Variants in ZNF619 observed in about 807,000 individuals in gnomAD.
The protein encoded by ZNF619 is zinc finger protein 619.
ZNF619 carries 9 observed loss-of-function variants against 14.2 expected under a neutral mutation model. The observed-to-expected ratio is 0.64, with a 90% CI of 0.38 to 1.11. The LOEUF is 1.11. Among genes scored for constraint, ZNF619 ranks in the 50% least tolerant of loss-of-function variants. The pLI, the probability that ZNF619 is intolerant of heterozygous loss-of-function variation, is 0.01. For synonymous variants in ZNF619, 246 were observed against 252.8 expected (o/e 0.97, Z 0.26); for missense variants, 659 against 680.1 (o/e 0.97, Z 0.34).
In ZNF619 at chr3:40,489,613, T is replaced by A. The variant is rs1352014194; in HGVS notation, c.*1372T>A. 1 of 151,996 alleles carries A rather than the reference T, an allele frequency of 6.6e-6. No homozygotes were observed. Among genetic ancestry groups the A allele is most frequent in the Non-Finnish European group, 1.5e-5 (1 of 68,020 alleles). The allele number at this position is 151,996 out of a possible 1,614,324, so 9.4% of individuals were successfully genotyped here. On this transcript the variant is annotated 3_prime_UTR_variant, in exon 5 of 5. Coordinates refer to ENST00000432264, the MANE Select transcript of ZNF619 (RefSeq NM_001145093.4). Reference sequence around the variant, plus strand: ...CATATATGTAGGTACAAAAAGTGACTTGGACTTGTACCCTTTAGGGTAGAT... The same window carrying A: ...CATATATGTAGGTACAAAAAGTGACATGGACTTGTACCCTTTAGGGTAGAT...
chr3:40,478,629 A>G (rs766842704), intron 2 of ZNF619, among the ~76,000 whole-genome samples: 1 of 151,842 alleles, frequency 6.6e-6, no homozygotes, highest in African/African-American at 2.4e-5. Flanking sequence ...GAGAGTCTAT[A>G]TCCTTTCTTG....
intron 2 of ZNF619, 41 bp downstream of exon 2, chr3:40,478,044 A>T (rs1209871646): frequency 6.5e-7 from 1 of 1,542,062 alleles, no homozygotes; most frequent in Non-Finnish European, 8.8e-7. Flanking sequence ...CTCAGAACAG[A>T]TATGGAAGGT....
intron 4 of ZNF619, 92 bp from the exon 5 acceptor site, chr3:40,486,714 A>AC: frequency 1.9e-6 from 2 of 1,040,076 alleles, no homozygotes; most frequent in East Asian, 5.0e-5. Context: ...AAAAAAAAAA[A>AC]ATTCATGTGT....
In ZNF619 at chr3:40,487,614, G is replaced by A; in HGVS notation, c.1104G>A (p.Gly368=). Residue 368 remains glycine (G), a synonymous_variant, in exon 5 of 5, where the codon GGG becomes GGA. Transcript: ENST00000432264. Reference sequence around the variant, plus strand: ...TTCAGCATCAGAGAATCCACACTGGGGAGAAACCTTATGAATGTAAAGAGT... The same window carrying A: ...TTCAGCATCAGAGAATCCACACTGGAGAGAAACCTTATGAATGTAAAGAGT... ...VLIQHQRIHT[G]EKPYECKECG... 6.2e-7 allele frequency: 1 copy of A among 1,614,136 alleles called. No individual in the cohort carries two copies. Among genetic ancestry groups the A allele is most frequent in the Non-Finnish European group, 8.5e-7 (1 of 1,180,008 alleles).
intron 4 of ZNF619, among the ~76,000 whole-genome samples, chr3:40,486,475 G>A (rs1049446167): frequency 2.6e-5 from 4 of 152,096 alleles, no homozygotes; most frequent in Non-Finnish European, 1.5e-5. Context: ...GCTGACCTGA[G>A]GCTGACCAGA....
intron 4 of ZNF619, chr3:40,483,549 C>T: frequency 2.4e-6 from 1 of 423,794 alleles, no homozygotes; most frequent in South Asian, 1.7e-5. Context: ...CCTCGGCCTC[C>T]CAAAGTGCTG....
At chr3:40,478,909 G>C (rs1449760256) in intron 2 of ZNF619, among the ~76,000 whole-genome samples, 1 of 152,018 alleles carries the variant, frequency 6.6e-6, no homozygotes, top group Non-Finnish European at 1.5e-5. Flanking sequence ...GTGCTGTGGG[G>C]GTATGCTGTG....
At chr3:40,481,639 C>G (rs968478325) in intron 2 of ZNF619, among the ~76,000 whole-genome samples, 1 of 152,110 alleles carries the variant, frequency 6.6e-6, no homozygotes, top group Non-Finnish European at 1.5e-5. Context: ...GACATGATCA[C>G]CAGGCAGAGA....
chr3:40,487,029 T>C lies in ZNF619; in HGVS notation c.519T>C (p.Thr173=). The C allele has an allele frequency of 6.2e-7, 1 of 1,614,128 alleles. No homozygotes were observed. Among genetic ancestry groups the C allele is most frequent in the East Asian group, 2.2e-5 (1 of 44,882 alleles). Residue 173 remains threonine, a synonymous_variant, in exon 5 of 5, where the codon ACT becomes ACC. Transcript: ENST00000432264. ...TCCAGGATCATGAATCTTCCACCACTGAAAGGGAGGAGATAGCCAGGAAAT... is the reference window on the plus strand; with the variant it reads ...TCCAGGATCATGAATCTTCCACCACCGAAAGGGAGGAGATAGCCAGGAAAT... ...LTVQDHESST[T]EREEIARKLE...
chr3:40,486,906 C>A lies in ZNF619; in HGVS notation c.396C>A (p.Asp132Glu), dbSNP rs200731206. Residue 132 changes from aspartate to glutamate, a missense_variant, in exon 5 of 5, where the codon GAC becomes GAA. Transcript: ENST00000432264. ...HRLIVEGLLM[D>E]VPQHPDFKDR... ...TGATAGTGGAGGGACTGCTGATGGACGTTCCCCAGCACCCTGACTTCAAGG... is the reference window on the plus strand; with the variant it reads ...TGATAGTGGAGGGACTGCTGATGGAAGTTCCCCAGCACCCTGACTTCAAGG... The A allele has an allele frequency of 1.2e-6, 2 of 1,614,100 alleles. No individual in the cohort carries two copies. The highest frequency in any genetic ancestry group is 1.7e-6 in the Non-Finnish European group (2 of 1,180,032).
At chr3:40,480,977 A>G (rs1240067133) in intron 2 of ZNF619, among the ~76,000 whole-genome samples, 1 of 152,246 alleles carries the variant, frequency 6.6e-6, no homozygotes, top group African/African-American at 2.4e-5. Context: ...GCTTCCTTAT[A>G]CAACCTTGTA....
chr3:40,486,700 CA>C (rs397971237), intron 4 of ZNF619, 105 bp from the exon 5 acceptor site: 76,025 of 689,702 alleles, frequency 0.11, 1 homozygote, highest in Non-Finnish European at 0.12. Context: ...AAACTCCACT[CA>C]AAAAAAAAAA....
At chr3:40,479,250 C>T (rs1027500870) in intron 2 of ZNF619, among the ~76,000 whole-genome samples, 4 of 152,150 alleles carry the variant, frequency 2.6e-5, no homozygotes, top group Non-Finnish European at 5.9e-5. Context: ...TCCCATAAGT[C>T]CCCAACAATA....
In ZNF619 at chr3:40,487,150, A is replaced by C. The variant is rs776449714; in HGVS notation, c.640A>C (p.Asn214His). The change falls in exon 5 of 5, where the codon AAC (asparagine) becomes CAC (histidine). Residue 214 changes from asparagine (N) to histidine (H), a missense_variant. Transcript: ENST00000432264. ...YKCGECGSYY[N>H]PHSDFHLHQR... ...ATGTGGTGAGTGTGGCAGTTACTAC[A>C]ACCCACATTCAGACTTTCACCTGCA... The C allele has an allele frequency of 3.1e-6, 5 of 1,614,062 alleles. No homozygotes were observed. In the African/African-American group the frequency reaches 6.7e-5, roughly 22 times the overall value.
rs1259036211 is a variant in ZNF619 at position 40,490,702 on chromosome 3, T to G, written c.*2461T>G. Among the ~76,000 whole-genome samples the G allele has an allele frequency of 6.6e-6, 1 of 152,224 alleles. No homozygotes were observed. Among genetic ancestry groups the G allele is most frequent in the African/African-American group, 2.4e-5 (1 of 41,462 alleles). On this transcript the variant is annotated 3_prime_UTR_variant, in exon 5 of 5. Coordinates refer to ENST00000432264, the MANE Select transcript of ZNF619 (RefSeq NM_001145093.4). ...AAATATAATTTCTCTTATGATTTTC[T>G]TAATATTTTCTCTAGCTTTATTATA...
At position 40,488,030 on chromosome 3, in the gene ZNF619, A is replaced by C; in HGVS notation, c.1520A>C (p.Gln507Pro). Residue 507 changes from glutamine (Q) to proline (P), a missense_variant, in exon 5 of 5, where the codon CAA becomes CCA. By Grantham distance (76) the Gln-to-Pro change is moderately conservative (BLOSUM62 -1). Transcript: ENST00000432264. Reference sequence around the variant, plus strand: ...GCCATCCTCTCTCCTCTGCCTCCCCAACATACCTGCTCTGCCCTAGCCCCA... The same window carrying C: ...GCCATCCTCTCTCCTCTGCCTCCCCCACATACCTGCTCTGCCCTAGCCCCA... ...PCAILSPLPP[Q>P]HTCSALAPPG... 6.2e-7 allele frequency: 1 copy of C among 1,614,092 alleles called. No homozygotes were observed. The highest frequency in any genetic ancestry group is 8.5e-7 in the Non-Finnish European group (1 of 1,179,986).
intron 1 of ZNF619, chr3:40,477,704 A>G: frequency 2.2e-6 from 1 of 456,976 alleles, no homozygotes; most frequent in Non-Finnish European, 4.0e-6. Flanking sequence ...CTTACTTTAC[A>G]GATATTCTTT....
In ZNF619 at chr3:40,488,652, T is replaced by C; in HGVS notation, c.*411T>C. On this transcript the variant is annotated 3_prime_UTR_variant, in exon 5 of 5. Transcript: ENST00000432264. Reference sequence around the variant, plus strand: ...GTGTCCAATGATTGCTTTCAAGAGCTTTTTTTTTTTTAGGGGGTGGGGGGT... The same window carrying C: ...GTGTCCAATGATTGCTTTCAAGAGCCTTTTTTTTTTTAGGGGGTGGGGGGT... The C allele has an allele frequency of 7.2e-6, 1 of 138,600 alleles. No homozygotes were observed. Among genetic ancestry groups the C allele is most frequent in the Non-Finnish European group, 1.5e-5 (1 of 65,196 alleles). 8.6% of individuals were successfully genotyped at this position (138,600 alleles called of 1,614,324 possible).
intron 4 of ZNF619, among the ~76,000 whole-genome samples, chr3:40,484,913 C>T (rs975159917): frequency 1.1e-4 from 17 of 152,138 alleles, no homozygotes; most frequent in African/African-American, 3.9e-4. Context: ...GTGCCACCTC[C>T]AGAGATTCGA....
Sources: allele counts gnomAD v4.1 joint callset (sites outside exome capture counted in the v4.1 genomes callset), GRCh38; gene constraint gnomAD v4.1.1; transcripts MANE v1.5; gene names NCBI Gene and HGNC (gene_info 2026-07-23, HGNC 2026-07-21).